The following EPHA3 variants were observed in gnomAD, a reference collection of about 807,000 sequenced individuals.
EPHA3 encodes ephrin type-A receptor 3.
In EPHA3, 42 loss-of-function variants were observed where a neutral mutation model predicts 107.1. That is an observed-to-expected ratio of 0.39 (90% CI 0.31 to 0.51). EPHA3 has a LOEUF of 0.51. Ranked by LOEUF, EPHA3 falls within the 20% of genes least tolerant of loss-of-function variation. EPHA3 has a pLI of 0.78. For synonymous variants in EPHA3, 461 were observed against 424.8 expected, an observed-to-expected ratio of 1.09 and a Z score of -1.05; for missense variants, 1,183 against 1,211.2, an observed-to-expected ratio of 0.98 and a Z score of 0.35.
chr3:89,210,023 G>C lies in EPHA3; in HGVS notation c.317G>C (p.Cys106Ser). 6.2e-7 allele frequency: 1 copy of C among 1,614,010 alleles called. No homozygotes were observed. Among genetic ancestry groups the C allele is most frequent in the Non-Finnish European group, 8.5e-7 (1 of 1,179,942 alleles). ...YVELKFTLRD[C>S]NSIPLVLGTC... ...GAGCTCAAGTTCACTCTACGAGACT[G>C]CAATAGCATTCCATTGGTTTTAGGA... The change falls in exon 3 of 17, where the codon TGC becomes TCC. Residue 106 changes from cysteine to serine, a missense_variant. Cys to Ser is a moderately radical substitution (Grantham distance 112). Transcript: ENST00000336596.
Position 89,341,937 on chromosome 3 carries a change from C to G in EPHA3, c.1153C>G (p.Arg385Gly), listed in dbSNP as rs761696838. 2 of 1,613,606 alleles carry G rather than the reference C, an allele frequency of 1.2e-6. No homozygotes were observed. Among genetic ancestry groups the G allele is most frequent in the Admixed American group, 3.3e-5 (2 of 59,926 alleles). ...PCSPNVRFLP[R>G]QFGLTNTTVT... ...CAGCCCAAATGTCCGCTTCCTCCCTCGACAGTTTGGACTCACCAACACCAC... is the reference window on the plus strand; with the variant it reads ...CAGCCCAAATGTCCGCTTCCTCCCTGGACAGTTTGGACTCACCAACACCAC... The change falls in exon 5 of 17, where the codon CGA (arginine) becomes GGA (glycine). Residue 385 changes from arginine (R) to glycine (G), a missense_variant. By Grantham distance (125) the Arg-to-Gly change is moderately radical. Coordinates refer to ENST00000336596, the MANE Select transcript of EPHA3 (RefSeq NM_005233.6).
chr3:89,288,795 A>G (rs1408338265), intron 3 of EPHA3, among the ~76,000 whole-genome samples: 1 of 152,158 alleles, frequency 6.6e-6, no homozygotes, highest in Non-Finnish European at 1.5e-5. Context: ...TGGTTGAGAA[A>G]ATGGTCAGGT....
intron 5 of EPHA3, among the ~76,000 whole-genome samples, chr3:89,395,573 A>G (rs1708831941): frequency 6.6e-6 from 1 of 152,104 alleles, no homozygotes; most frequent in Non-Finnish European, 1.5e-5. Context: ...CTCACTTGCC[A>G]CTAGTCCACC....
rs1285312847 is a variant in EPHA3, at chr3:89,268,942, T to A, written c.814+58422T>A. Among the ~76,000 whole-genome samples the A allele has an allele frequency of 2.0e-5, 3 of 152,036 alleles. No homozygotes were observed. The East Asian group carries it at 5.8e-4, about 29-fold the overall frequency. ...CCTCAGGTCAAAGCAAGGTTGTGTA[T>A]TTTATACAAGGTCGTGTGTCTTATA... On this transcript the variant is annotated intron_variant, in intron 3 of 16. Transcript: ENST00000336596.
chr3:89,451,726 A>G (rs1266536866), intron 15 of EPHA3, among the ~76,000 whole-genome samples: 1 of 152,106 alleles, frequency 6.6e-6, no homozygotes, highest in Non-Finnish European at 1.5e-5. Context: ...GCTTCTCAAT[A>G]TCGCTTCTCA....
At chr3:89,304,943 C>T (rs1408495086) in intron 3 of EPHA3, among the ~76,000 whole-genome samples, 1 of 152,124 alleles carries the variant, frequency 6.6e-6, no homozygotes, top group East Asian at 1.9e-4. Flanking sequence ...CCAGAGGTGT[C>T]ATTAGGTTAA....
intron 5 of EPHA3, among the ~76,000 whole-genome samples, chr3:89,371,599 A>G (rs1174534103): frequency 6.6e-6 from 1 of 151,670 alleles, no homozygotes; most frequent in Non-Finnish European, 1.5e-5. Context: ...CCTCCAGTTC[A>G]GTAATACACA....
intron 2 of EPHA3, among the ~76,000 whole-genome samples, chr3:89,129,500 G>T (rs35712958): frequency 0.37 from 56,140 of 151,656 alleles, 12,191 homozygotes; most frequent in Admixed American, 0.48. Context: ...TTATTGTTCT[G>T]TGGTGATATA....
chr3:89,382,508 C>CAAAAAAAA (rs575357952), intron 5 of EPHA3, among the ~76,000 whole-genome samples: 26 of 79,780 alleles, frequency 3.3e-4, no homozygotes, highest in African/African-American at 1.1e-3. Flanking sequence ...AATTCCATCT[C>CAAAAAAAA]AAAAAAAAAA....
At chr3:89,256,200 G>A (rs546339645) in intron 3 of EPHA3, among the ~76,000 whole-genome samples, 72 of 151,070 alleles carry the variant, frequency 4.8e-4, no homozygotes, top group African/African-American at 1.5e-3. Flanking sequence ...GCAGTTAGCC[G>A]AGATTGCACC....
At chr3:89,196,681 T>A (rs1705843991) in intron 2 of EPHA3, among the ~76,000 whole-genome samples, 2 of 152,154 alleles carry the variant, frequency 1.3e-5, no homozygotes, top group Admixed American at 1.3e-4. Context: ...CTAGTCATAG[T>A]AGTCAAAATT....
chr3:89,471,563 C>T (rs1456068595), intron 15 of EPHA3, among the ~76,000 whole-genome samples: 19 of 152,044 alleles, frequency 1.2e-4, no homozygotes, highest in Admixed American at 1.2e-3. Context: ...GGAGTTTCTC[C>T]ATGTTGGTGA....
intron 2 of EPHA3, among the ~76,000 whole-genome samples, chr3:89,152,925 T>G (rs1223145496): frequency 1.3e-5 from 2 of 152,092 alleles, no homozygotes; most frequent in Admixed American, 6.6e-5. Context: ...TTTGTAGTAT[T>G]TATCTGTAAA....
chr3:89,341,883 G>C lies in EPHA3; in HGVS notation c.1099G>C (p.Gly367Arg). The C allele has an allele frequency of 6.2e-7, 1 of 1,613,804 alleles. No homozygotes were observed. Among genetic ancestry groups the C allele is most frequent in the South Asian group, 1.1e-5 (1 of 91,050 alleles). Residue 367 changes from glycine (G) to arginine (R), a missense_variant, in exon 5 of 17, where the codon GGG (glycine) becomes CGG (arginine). Coordinates refer to ENST00000336596, the MANE Select transcript of EPHA3 (RefSeq NM_005233.6). ...VTFNIICKKC[G>R]WNIKQCEPCS... Reference sequence around the variant, plus strand: ...CTTCAACATCATATGTAAAAAATGTGGGTGGAATATAAAACAGTGTGAGCC... The same window carrying C: ...CTTCAACATCATATGTAAAAAATGTCGGTGGAATATAAAACAGTGTGAGCC...
chr3:89,149,721 T>C (rs1217413426), intron 2 of EPHA3, among the ~76,000 whole-genome samples: 1 of 148,802 alleles, frequency 6.7e-6, no homozygotes, highest in Admixed American at 6.7e-5. Flanking sequence ...ATTACAAAAT[T>C]CCTGTGGAAA....
intron 2 of EPHA3, among the ~76,000 whole-genome samples, chr3:89,190,145 T>C (rs1705673513): frequency 1.3e-5 from 2 of 152,208 alleles, no homozygotes; most frequent in African/African-American, 4.8e-5. Flanking sequence ...ATATTATATA[T>C]CTTATTGAAA....
chr3:89,134,295 G>A (rs1190202232), intron 2 of EPHA3, among the ~76,000 whole-genome samples: 2 of 151,614 alleles, frequency 1.3e-5, no homozygotes, highest in Non-Finnish European at 2.9e-5. Context: ...GTATACACGT[G>A]CCATGTTGGT....
chr3:89,360,647 A>G (rs191148343), intron 5 of EPHA3, among the ~76,000 whole-genome samples: 1 of 151,066 alleles, frequency 6.6e-6, no homozygotes, highest in Non-Finnish European at 1.5e-5. Context: ...CATCTTCCCC[A>G]GATTATCGAA....
chr3:89,386,499 T>A (rs1708626096), intron 5 of EPHA3, among the ~76,000 whole-genome samples: 1 of 152,184 alleles, frequency 6.6e-6, no homozygotes, highest in African/African-American at 2.4e-5. Context: ...TTTGGGAACC[T>A]CCACCTATAT....
Sources: gnomAD v4.1 joint callset for allele counts (sites outside exome capture counted in the v4.1 genomes callset) on GRCh38, gnomAD v4.1.1 for gene constraint, MANE v1.5 for transcripts, NCBI Gene and HGNC (gene_info 2026-07-23, HGNC 2026-07-21) for gene names.